The following PARN variants were observed in gnomAD, a reference collection of about 807,000 sequenced individuals.
The protein encoded by PARN is poly(A)-specific ribonuclease.
PARN carries 71 observed loss-of-function variants against 102.8 expected under a neutral mutation model. The observed-to-expected ratio is 0.69, with a 90% CI of 0.57 to 0.84. The LOEUF (loss-of-function observed/expected upper bound fraction) is 0.84. Ranked by LOEUF, PARN falls within the 40% of genes least tolerant of loss-of-function variation. PARN has a pLI of 0.00. For synonymous variants in PARN, 261 were observed against 252.9 expected (o/e 1.03, Z -0.30); for missense variants, 782 against 760.9 (o/e 1.03, Z -0.33).
chr16:14,601,481 C>G (rs1970861976), intron 11 of PARN, among the ~76,000 whole-genome samples: 1 of 152,074 alleles, frequency 6.6e-6, no homozygotes, highest in South Asian at 2.1e-4. Context: ...TTGATTAGTA[C>G]AGTTTCGGTT....
At chr16:14,515,889 A>G (rs1379808608) in intron 21 of PARN, among the ~76,000 whole-genome samples, 1 of 152,160 alleles carries the variant, frequency 6.6e-6, no homozygotes, top group African/African-American at 2.4e-5. Flanking sequence ...GCAGTGAGCT[A>G]TGATAGCACC....
At chr16:14,512,869 A>T (rs1433221933) in intron 21 of PARN, among the ~76,000 whole-genome samples, 1 of 152,130 alleles carries the variant, frequency 6.6e-6, no homozygotes, top group Non-Finnish European at 1.5e-5. Context: ...TGTGGTTTTT[A>T]TTTTTTAATC....
At chr16:14,497,088 A>G (rs920737898) in intron 21 of PARN, among the ~76,000 whole-genome samples, 1 of 152,170 alleles carries the variant, frequency 6.6e-6, no homozygotes, top group Non-Finnish European at 1.5e-5. Flanking sequence ...TTAAATTGCA[A>G]CAGTATCACT....
chr16:14,526,192 T>G (rs917690207), intron 21 of PARN, among the ~76,000 whole-genome samples: 2 of 151,496 alleles, frequency 1.3e-5, no homozygotes, highest in African/African-American at 4.9e-5. Context: ...TTTTTTTTTT[T>G]TTGAGACGGA....
intron 18 of PARN, among the ~76,000 whole-genome samples, chr16:14,560,519 G>T (rs1967988610): frequency 1.3e-5 from 2 of 152,106 alleles, no homozygotes; most frequent in African/African-American, 4.8e-5. Flanking sequence ...TTTTACAAAA[G>T]AATTCTATCC....
intron 23 of PARN, among the ~76,000 whole-genome samples, chr16:14,444,983 ATTTTTTTTTTTTT>A (rs564058919): frequency 1.7e-5 from 2 of 117,972 alleles, no homozygotes; most frequent in Admixed American, 9.4e-5. Flanking sequence ...TAATATTTAA[ATTTTTTTTTTTTT>A]TTTTTTTTTT....
At chr16:14,584,906 T>C (rs1327110317) in intron 14 of PARN, 115 bp from the exon 15 acceptor site, 4 of 609,522 alleles carry the variant, frequency 6.6e-6, no homozygotes, top group African/African-American at 2.0e-5. Context: ...AATTAAAACA[T>C]AAAATGTTTA....
chr16:14,560,262 A>T (rs1967969312), intron 18 of PARN, among the ~76,000 whole-genome samples: 1 of 152,282 alleles, frequency 6.6e-6, no homozygotes, highest in Non-Finnish European at 1.5e-5. Context: ...AATCTCTCCC[A>T]GAAGGACTTT....
At chr16:14,610,839 G>C in intron 6 of PARN, 30 bp from the exon 7 acceptor site, 1 of 1,476,182 alleles carries the variant, frequency 6.8e-7, no homozygotes, top group Non-Finnish European at 9.5e-7. Context: ...GAATGCATTA[G>C]CAGAAGTAAC....
intron 22 of PARN, among the ~76,000 whole-genome samples, chr16:14,478,226 T>A (rs1368971748): frequency 6.6e-6 from 1 of 152,054 alleles, no homozygotes. Flanking sequence ...TGAGGTGGGA[T>A]GATCCCTTGA....
At chr16:14,598,382 TA>T (rs1970657506) in intron 12 of PARN, among the ~76,000 whole-genome samples, 1 of 152,146 alleles carries the variant, frequency 6.6e-6, no homozygotes, top group Non-Finnish European at 1.5e-5. Flanking sequence ...TCCGAATGTG[TA>T]TAAGACAAAC....
chr16:14,515,704 G>A (rs1372317411), intron 21 of PARN, among the ~76,000 whole-genome samples: 1 of 152,064 alleles, frequency 6.6e-6, no homozygotes, highest in Non-Finnish European at 1.5e-5. Context: ...GAGAGGCTGA[G>A]GCAGGGGGAT....
At chr16:14,475,561 AAAG>A (rs1283108924) in intron 22 of PARN, among the ~76,000 whole-genome samples, 6 of 152,244 alleles carry the variant, frequency 3.9e-5, no homozygotes, top group Non-Finnish European at 7.3e-5. Flanking sequence ...ACAGGAAAGA[AAAG>A]AAGCACACTG....
intron 21 of PARN, among the ~76,000 whole-genome samples, chr16:14,522,660 A>T (rs906930302): frequency 6.6e-6 from 1 of 152,226 alleles, no homozygotes; most frequent in African/African-American, 2.4e-5. Flanking sequence ...AGACCCAGAC[A>T]TGGCCTCAGA....
chr16:14,572,987 C>T (rs1968901271), intron 18 of PARN, among the ~76,000 whole-genome samples: 2 of 151,896 alleles, frequency 1.3e-5, no homozygotes, highest in African/African-American at 4.8e-5. Context: ...CTCCTGGGCT[C>T]AAGCAATCCT....
intron 12 of PARN, among the ~76,000 whole-genome samples, chr16:14,598,659 C>T (rs1034467140): frequency 6.6e-6 from 1 of 152,222 alleles, no homozygotes; most frequent in Non-Finnish European, 1.5e-5. Flanking sequence ...TTCTATTCGA[C>T]TTTAATCGCC....
intron 21 of PARN, among the ~76,000 whole-genome samples, chr16:14,539,194 T>G (rs1347480716): frequency 6.6e-6 from 1 of 152,216 alleles, no homozygotes; most frequent in Non-Finnish European, 1.5e-5. Context: ...AACCAGTCCC[T>G]GGTGCCAAAG....
chr16:14,604,250 C>A (rs747526991), intron 10 of PARN, 24 bp from the exon 11 acceptor site: 2 of 1,422,368 alleles, frequency 1.4e-6, no homozygotes, highest in Non-Finnish European at 1.9e-6. Flanking sequence ...AGCAGATATA[C>A]AATTTTCTTT....
chr16:14,551,160 G>A (rs1189866806), intron 21 of PARN, among the ~76,000 whole-genome samples: 1 of 151,834 alleles, frequency 6.6e-6, no homozygotes, highest in Non-Finnish European at 1.5e-5. Flanking sequence ...TCGAACTCCT[G>A]ACCTCAGATG....
Sources: gnomAD v4.1 joint callset for allele counts (sites outside exome capture counted in the v4.1 genomes callset) on GRCh38, gnomAD v4.1.1 for gene constraint, MANE v1.5 for transcripts, NCBI Gene and HGNC (gene_info 2026-07-23, HGNC 2026-07-21) for gene names.